The following THSD7A variants were observed in gnomAD, a reference collection of about 807,000 sequenced individuals.
THSD7A encodes the protein thrombospondin type 1 domain containing 7A, also known as thrombospondin type-1 domain-containing protein 7A.
Under a neutral mutation model 231.3 loss-of-function variants are expected in THSD7A, and 96 were observed. The observed-to-expected ratio is 0.41, with a 90% CI of 0.35 to 0.49. The LOEUF (loss-of-function observed/expected upper bound fraction) is 0.49, where lower values mean the gene tolerates loss of function less well. Among genes scored for constraint, THSD7A ranks in the 20% least tolerant of loss-of-function variants. The probability of loss-of-function intolerance (pLI) is 0.05; values close to 1 mark genes in which losing one functional copy is unlikely to be tolerated. For synonymous variants in THSD7A, 940 were observed against 743.3 expected, an observed-to-expected ratio of 1.26 and a Z score of -4.30; for missense variants, 2,290 against 2,070.2, an observed-to-expected ratio of 1.11 and a Z score of -2.06.
In THSD7A at chr7:11,808,424, C is replaced by T. The variant is rs139681329; in HGVS notation, c.190+23333G>A. Among the ~76,000 whole-genome samples the T allele has an allele frequency of 4.5e-3, 685 of 152,244 alleles. 3 individuals carry two copies. Among genetic ancestry groups the T allele is most frequent in the African/African-American group, 0.015 (634 of 41,534 alleles). On this transcript the variant is annotated intron_variant, in intron 1 of 27. Transcript: ENST00000423059. ...ACCAGACAAACGAACCTGCCAACAC[C>T]TTGGTCTTTGACTTCCCAGCCTCCA...
At chr7:11,586,429 C>G (rs953979525) in intron 4 of THSD7A, among the ~76,000 whole-genome samples, 2 of 152,130 alleles carry the variant, frequency 1.3e-5, no homozygotes, top group Non-Finnish European at 2.9e-5. Context: ...TGGAGACTCT[C>G]TTAGGTATCA....
chr7:11,567,100 C>T (rs1384239675), intron 4 of THSD7A, among the ~76,000 whole-genome samples: 2 of 151,994 alleles, frequency 1.3e-5, no homozygotes, highest in Non-Finnish European at 2.9e-5. Flanking sequence ...CCTTTAGGGC[C>T]CAATATCCCA....
intron 1 of THSD7A, among the ~76,000 whole-genome samples, chr7:11,795,118 T>C (rs560039533): frequency 1.3e-5 from 2 of 151,990 alleles, no homozygotes; most frequent in African/African-American, 4.8e-5. Context: ...GGGGTTTTTG[T>C]TTGTCTTTAA....
intron 6 of THSD7A, among the ~76,000 whole-genome samples, chr7:11,509,678 C>T (rs1312840759): frequency 3.3e-5 from 5 of 151,020 alleles, no homozygotes; most frequent in South Asian, 2.1e-4. Flanking sequence ...AAAAATTAGC[C>T]GGGCGCAGTG....
At chr7:11,414,970 A>G (rs1180792985) in intron 17 of THSD7A, among the ~76,000 whole-genome samples, 1 of 152,230 alleles carries the variant, frequency 6.6e-6, no homozygotes, top group African/African-American at 2.4e-5. Context: ...TGAAGAAACA[A>G]TGTGAGTTAA....
intron 6 of THSD7A, among the ~76,000 whole-genome samples, chr7:11,536,681 T>A (rs1788929259): frequency 6.6e-6 from 1 of 152,122 alleles, no homozygotes; most frequent in African/African-American, 2.4e-5. Context: ...CATTCCCCCT[T>A]TTCTTACTGG....
Position 11,406,940 on chromosome 7 carries a change from T to C in THSD7A, c.4032A>G (p.Gln1344=). ...PCPVKPCYRW[Q]YGQWSPCQVQ... ...CTTGGCATGGAGACCACTGGCCATA[T>C]TGCCACCGATAACAAGGCTTCACTG... Residue 1344 remains glutamine, a synonymous_variant, in exon 21 of 28, where the codon CAA becomes CAG. Coordinates refer to ENST00000423059, the MANE Select transcript of THSD7A (RefSeq NM_015204.3). This position sits in a 1 kb window ranked among gnomAD's most constrained non-coding sequence, Gnocchi z 4.7. The C allele has an allele frequency of 6.2e-7, 1 of 1,613,846 alleles. No homozygotes were observed.
chr7:11,736,483 G>GTGTGTGTGTA (rs556935427), intron 1 of THSD7A, among the ~76,000 whole-genome samples: 15 of 150,970 alleles, frequency 9.9e-5, no homozygotes, highest in African/African-American at 3.7e-4. Context: ...GTGTGTGTGT[G>GTGTGTGTGTA]TAAAATAAAT....
At position 11,474,722 on chromosome 7, in the gene THSD7A, T is replaced by C. The variant is rs1376255858; in HGVS notation, c.2018-154A>G. On this transcript the variant is annotated intron_variant, in intron 7 of 27. Coordinates refer to ENST00000423059, the MANE Select transcript of THSD7A (RefSeq NM_015204.3). This position sits in a 1 kb window ranked among gnomAD's most constrained non-coding sequence, Gnocchi z 4.1. ...TACACGCAATATTTATGTGAGATGC[T>C]TCAAGGGATACCTACAGGGGTTAAA... Among the ~76,000 whole-genome samples the C allele has an allele frequency of 6.6e-6, 1 of 152,158 alleles. No homozygotes were observed. Among genetic ancestry groups the C allele is most frequent in the Admixed American group, 6.6e-5 (1 of 15,266 alleles).
intron 1 of THSD7A, among the ~76,000 whole-genome samples, chr7:11,688,913 A>G (rs540716971): frequency 1.6e-4 from 24 of 151,986 alleles, no homozygotes; most frequent in Admixed American, 5.9e-4. Context: ...ATAAAGAAGT[A>G]TATAATAAAA....
At chr7:11,595,337 T>C (rs541832656) in intron 2 of THSD7A, among the ~76,000 whole-genome samples, 80 of 152,186 alleles carry the variant, frequency 5.3e-4, no homozygotes, top group African/African-American at 1.8e-3. Context: ...GGCATGGGAA[T>C]GGATATTAAG....
chr7:11,831,596 C>T lies in THSD7A; in HGVS notation c.190+161G>A, dbSNP rs1320716047. Among the ~76,000 whole-genome samples the T allele has an allele frequency of 6.6e-6, 1 of 152,200 alleles. No homozygotes were observed. Among genetic ancestry groups the T allele is most frequent in the Non-Finnish European group, 1.5e-5 (1 of 68,034 alleles). ...TTATGCTTTTCTTTCCTAATTGCAT[C>T]GGACATGACCTATTTGCTTCCTAAG... is the stretch of plus-strand genomic sequence containing the variant. On this transcript the variant is annotated intron_variant, in intron 1 of 27. Transcript: ENST00000423059. This position sits in a 1 kb window ranked among gnomAD's most constrained non-coding sequence, Gnocchi z 5.0.
At chr7:11,612,235 G>A (rs1163830167) in intron 2 of THSD7A, among the ~76,000 whole-genome samples, 2 of 152,096 alleles carry the variant, frequency 1.3e-5, no homozygotes, top group African/African-American at 4.8e-5. Flanking sequence ...TAGGGCCCAT[G>A]CTGCAGGCAT....
chr7:11,427,942 G>A (rs1784371293), intron 14 of THSD7A, among the ~76,000 whole-genome samples: 3 of 152,056 alleles, frequency 2.0e-5, no homozygotes, highest in Admixed American at 1.3e-4. Flanking sequence ...GAACAATCAA[G>A]ACTCTTTAGA....
chr7:11,620,728 T>C lies in THSD7A; in HGVS notation c.1022+15402A>G, dbSNP rs10486145. Among the ~76,000 whole-genome samples, 1,903 of 152,308 alleles carry C rather than the reference T, an allele frequency of 0.012. 161 individuals are homozygous for C. In the East Asian group the frequency reaches 0.24, roughly 20 times the overall value. On this transcript the variant is annotated intron_variant, in intron 2 of 27. Transcript: ENST00000423059. ...CACATGAATGATATGAAAAAACACATGCTTATTATCACAATCAAATTAATC... is the reference window on the plus strand; with the variant it reads ...CACATGAATGATATGAAAAAACACACGCTTATTATCACAATCAAATTAATC...
chr7:11,592,349 T>A (rs916220215), intron 3 of THSD7A, among the ~76,000 whole-genome samples: 1 of 152,218 alleles, frequency 6.6e-6, no homozygotes, highest in South Asian at 2.1e-4. Context: ...TGCATGTTCT[T>A]TAAATGTTTG....
chr7:11,417,391 A>C (rs1040901053), intron 17 of THSD7A, 59 bp downstream of exon 17: 3 of 1,424,918 alleles, frequency 2.1e-6, no homozygotes, highest in Non-Finnish European at 2.8e-6. Context: ...ATGTCTTTAA[A>C]GCTTCAGTGG....
At chr7:11,394,803 C>G (rs981224707) in intron 23 of THSD7A, among the ~76,000 whole-genome samples, 98 of 152,208 alleles carry the variant, frequency 6.4e-4, no homozygotes, top group African/African-American at 2.2e-3. Flanking sequence ...TACCTGTGGC[C>G]GAGTACTCAT....
intron 1 of THSD7A, among the ~76,000 whole-genome samples, chr7:11,683,922 C>T (rs1397427894): frequency 6.6e-6 from 1 of 151,650 alleles, no homozygotes; most frequent in Non-Finnish European, 1.5e-5. Context: ...ACAATAACAA[C>T]AACAACAACA....
Sources: allele counts gnomAD v4.1 joint callset (sites outside exome capture counted in the v4.1 genomes callset), GRCh38; gene constraint gnomAD v4.1.1; non-coding constraint Gnocchi (gnomAD v3.1); transcripts MANE v1.5; gene names NCBI Gene and HGNC (gene_info 2026-07-23, HGNC 2026-07-21).